Variants in MYO16 observed in about 807,000 individuals in gnomAD.
The protein encoded by MYO16 is unconventional myosin-XVI.
MYO16 carries 94 observed loss-of-function variants against 205.3 expected under a neutral mutation model. That is an observed-to-expected ratio of 0.46 (90% CI 0.39 to 0.54). MYO16 has a LOEUF of 0.54. MYO16 is among the 20% of genes least tolerant of loss of function. The probability of loss-of-function intolerance (pLI) is 0.00; values close to 1 mark genes in which losing one functional copy is unlikely to be tolerated. For synonymous variants in MYO16, 988 were observed against 954.0 expected, an observed-to-expected ratio of 1.04 and a Z score of -0.66; for missense variants, 2,315 against 2,387.5, an observed-to-expected ratio of 0.97 and a Z score of 0.63.
At chr13:109,090,713 G>A (rs1888594520) in intron 27 of MYO16, among the ~76,000 whole-genome samples, 1 of 152,206 alleles carries the variant, frequency 6.6e-6, no homozygotes, top group South Asian at 2.1e-4. Context: ...ATGTGCACGT[G>A]TAGAGAACAA....
chr13:109,191,754 C>T (rs1392549213), intron 34 of MYO16, among the ~76,000 whole-genome samples: 3 of 152,160 alleles, frequency 2.0e-5, no homozygotes, highest in Admixed American at 1.3e-4. Context: ...GGGATACTTT[C>T]CAGTTATGAA....
At chr13:108,730,705 A>G (rs1884492910) in intron 4 of MYO16, among the ~76,000 whole-genome samples, 1 of 152,232 alleles carries the variant, frequency 6.6e-6, no homozygotes, top group Non-Finnish European at 1.5e-5. Context: ...TGATTAAAAA[A>G]TGGCACCAAT....
chr13:108,645,581 T>C (rs569213613), intron 1 of MYO16, among the ~76,000 whole-genome samples: 69 of 152,310 alleles, frequency 4.5e-4, no homozygotes, highest in African/African-American at 1.6e-3. Context: ...GTCTCGTTCA[T>C]CTACAAGGAT....
intron 2 of MYO16, among the ~76,000 whole-genome samples, chr13:108,702,741 G>A (rs908052717): frequency 7.2e-5 from 11 of 152,040 alleles, no homozygotes; most frequent in Admixed American, 2.0e-4. Flanking sequence ...AGCACACAAT[G>A]CATAAAGATG....
chr13:108,888,808 A>T (rs1218128816), intron 14 of MYO16, among the ~76,000 whole-genome samples: 1 of 152,088 alleles, frequency 6.6e-6, no homozygotes, highest in Admixed American at 6.6e-5. Context: ...TAATCCCAGC[A>T]CTCTGGGAGG....
chr13:108,906,188 T>C (rs1480109692), intron 15 of MYO16, among the ~76,000 whole-genome samples: 5 of 152,160 alleles, frequency 3.3e-5, no homozygotes, highest in Non-Finnish European at 7.3e-5. Flanking sequence ...GGTTCTCCCA[T>C]TCCCAGAAAT....
chr13:109,200,344 T>G (rs940950336), intron 34 of MYO16, among the ~76,000 whole-genome samples: 6 of 152,220 alleles, frequency 3.9e-5, no homozygotes, highest in African/African-American at 1.4e-4. Context: ...TATTAATGTC[T>G]GTAATAGAAA....
chr13:108,836,446 CCA>C (rs1196095878), intron 9 of MYO16, among the ~76,000 whole-genome samples: 3 of 152,324 alleles, frequency 2.0e-5, no homozygotes, highest in Non-Finnish European at 4.4e-5. Context: ...GTTGGAGCCT[CCA>C]CACAGAGTCC....
chr13:108,683,073 C>T (rs1882530734), intron 2 of MYO16, among the ~76,000 whole-genome samples: 2 of 152,184 alleles, frequency 1.3e-5, no homozygotes, highest in Admixed American at 1.3e-4. Flanking sequence ...TTCTATTCAT[C>T]TTAATGCCTG....
intron 16 of MYO16, among the ~76,000 whole-genome samples, chr13:108,921,547 T>C (rs1324733112): frequency 1.3e-5 from 2 of 152,232 alleles, no homozygotes; most frequent in Non-Finnish European, 2.9e-5. Context: ...CCTATTGATA[T>C]AGGACATTGC....
chr13:108,583,896 T>C, the MYO16 span, among the ~76,000 whole-genome samples: 1 of 152,214 alleles, frequency 6.6e-6, no homozygotes, highest in Non-Finnish European at 1.5e-5. Flanking sequence ...ATCAAAAGAT[T>C]AAAAATAAAG....
intron 9 of MYO16, among the ~76,000 whole-genome samples, chr13:108,839,740 A>G (rs1183807333): frequency 6.6e-6 from 1 of 152,096 alleles, no homozygotes; most frequent in East Asian, 1.9e-4. Context: ...CCTCCTCCTC[A>G]CTACATGGAA....
upstream of MYO16, among the ~76,000 whole-genome samples, chr13:108,592,619 G>A (rs538812857): frequency 6.7e-6 from 1 of 149,622 alleles, no homozygotes; most frequent in East Asian, 2.0e-4. Flanking sequence ...GGGTGTGGAG[G>A]GGCTGTGTGT....
chr13:108,645,216 A>T (rs1880698329), intron 1 of MYO16, among the ~76,000 whole-genome samples: 1 of 152,230 alleles, frequency 6.6e-6, no homozygotes, highest in Admixed American at 6.5e-5. Context: ...AACCAAACTT[A>T]CATTGATAAG....
chr13:108,749,776 T>A (rs980192527), intron 4 of MYO16, among the ~76,000 whole-genome samples: 1 of 152,162 alleles, frequency 6.6e-6, no homozygotes, highest in African/African-American at 2.4e-5. Flanking sequence ...TGTTCCCGGG[T>A]TTTTACACAA....
intron 9 of MYO16, among the ~76,000 whole-genome samples, chr13:108,838,977 A>AT (rs1225199950): frequency 6.6e-6 from 1 of 152,070 alleles, no homozygotes; most frequent in African/African-American, 2.4e-5. Context: ...GTCTTAGTTC[A>AT]TTTTTTGTTA....
At chr13:108,752,559 GA>G (rs1480538159) in intron 4 of MYO16, among the ~76,000 whole-genome samples, 2 of 151,946 alleles carry the variant, frequency 1.3e-5, no homozygotes, top group Non-Finnish European at 2.9e-5. Context: ...TTGACATTAA[GA>G]AAGCTTATGC....
intron 20 of MYO16, among the ~76,000 whole-genome samples, chr13:108,982,621 G>A (rs1243698972): frequency 6.6e-6 from 1 of 152,064 alleles, no homozygotes; most frequent in Non-Finnish European, 1.5e-5. Flanking sequence ...AAGGGTAATA[G>A]GAAGCAAAAG....
chr13:108,911,728 C>G (rs1249314695), intron 16 of MYO16, among the ~76,000 whole-genome samples: 1 of 152,136 alleles, frequency 6.6e-6, no homozygotes, highest in African/African-American at 2.4e-5. Flanking sequence ...GTATTCCCAG[C>G]TGGAACCAGA....
Sources: gnomAD v4.1 joint callset for allele counts (sites outside exome capture counted in the v4.1 genomes callset) on GRCh38, gnomAD v4.1.1 for gene constraint, MANE v1.5 for transcripts, NCBI Gene and HGNC (gene_info 2026-07-23, HGNC 2026-07-21) for gene names.